Variants in CNTN5 observed in about 807,000 individuals in gnomAD.
CNTN5 encodes contactin 5, also known as contactin-5.
In CNTN5, 77 loss-of-function variants were observed where a neutral mutation model predicts 129.1. The observed-to-expected ratio is 0.60, with a 90% CI of 0.50 to 0.72. The LOEUF is 0.72. CNTN5 is among the 30% of genes least tolerant of loss of function. The probability of loss-of-function intolerance (pLI) is 0.00; values close to 1 mark genes in which losing one functional copy is unlikely to be tolerated. For missense variants in CNTN5, 1,478 were observed against 1,328.8 expected (o/e 1.11, Z -1.75); for synonymous variants, 509 against 465.6 (o/e 1.09, Z -1.20).
intron 3 of CNTN5, among the ~76,000 whole-genome samples, chr11:99,613,023 T>G (rs1950638166): frequency 1.3e-5 from 2 of 152,064 alleles, no homozygotes; most frequent in Non-Finnish European, 1.5e-5. Flanking sequence ...TCCAGGAAGT[T>G]TGGAAGCCAA....
intron 9 of CNTN5, among the ~76,000 whole-genome samples, chr11:100,055,632 C>A (rs949324986): frequency 2.6e-5 from 4 of 151,528 alleles, no homozygotes; most frequent in Admixed American, 1.3e-4. Flanking sequence ...TTTCCTGCTT[C>A]CATTGCTGCT....
chr11:99,267,845 C>A (rs1357137254), intron 1 of CNTN5, among the ~76,000 whole-genome samples: 1 of 151,382 alleles, frequency 6.6e-6, no homozygotes, highest in Non-Finnish European at 1.5e-5. Flanking sequence ...TCACTTATGC[C>A]AAACTTAGAG....
At chr11:99,355,663 T>C (rs1938596152) in intron 2 of CNTN5, among the ~76,000 whole-genome samples, 1 of 152,158 alleles carries the variant, frequency 6.6e-6, no homozygotes, top group Non-Finnish European at 1.5e-5. Context: ...AAAGTGGTTT[T>C]CTTCAATGAC....
At chr11:100,168,008 A>G (rs544085120) in intron 13 of CNTN5, among the ~76,000 whole-genome samples, 1 of 152,036 alleles carries the variant, frequency 6.6e-6, no homozygotes, top group East Asian at 1.9e-4. Context: ...GCCAACCACA[A>G]CATTCCCTTA....
chr11:99,727,163 G>A (rs989902584), intron 3 of CNTN5, among the ~76,000 whole-genome samples: 4 of 148,324 alleles, frequency 2.7e-5, no homozygotes, highest in South Asian at 2.2e-4. Flanking sequence ...AAAATTAGCC[G>A]GGCGCGGTGG....
In CNTN5 at chr11:99,201,351, T is replaced by TTTCC. The variant is rs71046674; in HGVS notation, c.-209-123967_-209-123964dup. Among the ~76,000 whole-genome samples, 151 of 88,230 alleles carry TTTCC rather than the reference T, an allele frequency of 1.7e-3. 1 individual carries two copies. Among genetic ancestry groups the TTTCC allele is most frequent in the Non-Finnish European group, 2.6e-3 (119 of 46,386 alleles). 57.9% of individuals were successfully genotyped at this position (88,230 alleles called of 152,430 possible). The stretch of plus-strand genomic sequence containing the variant: ...TTCCTTCCTTCCTTCCTTCCTTTCC[T>TTTCC]TTCCTTCCTTCCTTCCTTCCTTCCT... On this transcript the variant is annotated intron_variant, in intron 1 of 24. Coordinates refer to ENST00000524871, the MANE Select transcript of CNTN5 (RefSeq NM_014361.4).
intron 3 of CNTN5, among the ~76,000 whole-genome samples, chr11:99,754,114 C>T (rs1411371800): frequency 1.3e-5 from 2 of 152,068 alleles, no homozygotes; most frequent in Non-Finnish European, 2.9e-5. Flanking sequence ...GGTGTAAGGC[C>T]AAACTGGCTT....
At chr11:99,750,420 A>G (rs1944192005) in intron 3 of CNTN5, among the ~76,000 whole-genome samples, 1 of 152,146 alleles carries the variant, frequency 6.6e-6, no homozygotes, top group Non-Finnish European at 1.5e-5. Flanking sequence ...TTATAGCAAT[A>G]TTGTAACTAC....
chr11:99,860,076 T>A (rs543616538), intron 6 of CNTN5, among the ~76,000 whole-genome samples: 1 of 152,310 alleles, frequency 6.6e-6, no homozygotes, highest in African/African-American at 2.4e-5. Context: ...GATTTTGATT[T>A]GCATTTCTCT....
chr11:99,767,898 CA>C (rs1944809835), intron 3 of CNTN5, among the ~76,000 whole-genome samples: 1 of 152,020 alleles, frequency 6.6e-6, no homozygotes, highest in East Asian at 1.9e-4. Context: ...ATTTTCAAAA[CA>C]AAAAAGTAAA....
chr11:99,282,709 T>C (rs1180607355), intron 1 of CNTN5, among the ~76,000 whole-genome samples: 2 of 152,068 alleles, frequency 1.3e-5, no homozygotes, highest in Non-Finnish European at 2.9e-5. Flanking sequence ...GTGTGGCTAA[T>C]GATTTCAGCT....
chr11:99,861,746 T>C (rs1948214019), intron 6 of CNTN5, among the ~76,000 whole-genome samples: 1 of 152,190 alleles, frequency 6.6e-6, no homozygotes, highest in African/African-American at 2.4e-5. Flanking sequence ...GCTTCTAAAA[T>C]AAGCACAATC....
At chr11:99,408,460 A>AAGAAAGAAAG (rs1942221295) in intron 2 of CNTN5, among the ~76,000 whole-genome samples, 3 of 131,796 alleles carry the variant, frequency 2.3e-5, no homozygotes, top group Non-Finnish European at 3.4e-5. Context: ...GAAAGAAAGA[A>AAGAAAGAAAG]AGAAAGAAAG....
chr11:99,779,300 C>G (rs1470108092), intron 3 of CNTN5, among the ~76,000 whole-genome samples: 1 of 151,860 alleles, frequency 6.6e-6, no homozygotes, highest in Non-Finnish European at 1.5e-5. Flanking sequence ...TATTCATTTT[C>G]TGTAATCAGG....
At chr11:99,133,810 C>G in intron 1 of CNTN5, among the ~76,000 whole-genome samples, 1 of 152,030 alleles carries the variant, frequency 6.6e-6, no homozygotes, top group Admixed American at 6.6e-5. Flanking sequence ...CTGCTGGTGG[C>G]AATGTAAAAT....
intron 2 of CNTN5, among the ~76,000 whole-genome samples, chr11:99,555,020 T>C (rs1184359361): frequency 1.3e-5 from 2 of 151,942 alleles, no homozygotes. Context: ...TCCCCAAATA[T>C]AAAGTTAAAA....
chr11:99,960,360 T>TC (rs10671023), intron 8 of CNTN5, among the ~76,000 whole-genome samples: 1,881 of 94,722 alleles, frequency 0.02, 41 homozygotes, highest in African/African-American at 0.08. Flanking sequence ...ACTTTTATGT[T>TC]TTTTTTCTTC....
chr11:99,132,903 T>G (rs1453567981), intron 1 of CNTN5, among the ~76,000 whole-genome samples: 2 of 151,996 alleles, frequency 1.3e-5, no homozygotes, highest in African/African-American at 4.8e-5. Flanking sequence ...AGAAAAAAAC[T>G]ATTTAAAAAT....
chr11:99,911,823 G>C (rs535959145), intron 6 of CNTN5, among the ~76,000 whole-genome samples: 1 of 151,584 alleles, frequency 6.6e-6, no homozygotes, highest in South Asian at 2.1e-4. Flanking sequence ...TCTTTATGAA[G>C]TCTATGAAGT....
Sources: gnomAD v4.1 joint callset for allele counts (sites outside exome capture counted in the v4.1 genomes callset) on GRCh38, gnomAD v4.1.1 for gene constraint, MANE v1.5 for transcripts, NCBI Gene and HGNC (gene_info 2026-07-23, HGNC 2026-07-21) for gene names.